The following GRIA4 variants were observed in gnomAD, a reference collection of about 807,000 sequenced individuals.
GRIA4 encodes glutamate ionotropic receptor AMPA type subunit 4, also known as glutamate receptor 4.
A neutral mutation model predicts 104.0 loss-of-function variants in GRIA4; 34 were observed. That is an observed-to-expected ratio of 0.33 (90% confidence interval 0.25 to 0.44). The LOEUF is 0.44. Ranked by LOEUF, GRIA4 falls within the 20% of genes least tolerant of loss-of-function variation. GRIA4 has a pLI of 1.00. For synonymous variants in GRIA4, 386 were observed against 381.9 expected, an observed-to-expected ratio of 1.01 and a Z score of -0.13; for missense variants, 750 against 1,096.5, an observed-to-expected ratio of 0.68 and a Z score of 4.46.
intron 4 of GRIA4, among the ~76,000 whole-genome samples, chr11:105,814,171 T>C (rs1943286424): frequency 6.6e-6 from 1 of 152,164 alleles, no homozygotes; most frequent in South Asian, 2.1e-4. Context: ...AAGTTCAGGT[T>C]TCATTTTAAG....
intron 5 of GRIA4, among the ~76,000 whole-genome samples, chr11:105,885,102 C>A (rs2136092216): frequency 6.6e-6 from 1 of 152,258 alleles, no homozygotes; most frequent in Non-Finnish European, 1.5e-5. Flanking sequence ...AGCCAAATAG[C>A]AGGAATCTGT....
intron 3 of GRIA4, among the ~76,000 whole-genome samples, chr11:105,679,206 T>C (rs1164971384): frequency 6.6e-6 from 1 of 152,138 alleles, no homozygotes; most frequent in Non-Finnish European, 1.5e-5. Flanking sequence ...TCAGTCTTTA[T>C]TTTATTAAGA....
At chr11:105,948,944 T>C (rs901881491) in intron 14 of GRIA4, among the ~76,000 whole-genome samples, 4 of 152,122 alleles carry the variant, frequency 2.6e-5, no homozygotes, top group Non-Finnish European at 4.4e-5. Flanking sequence ...TTGAATAGAA[T>C]TGATTTATAA....
At chr11:105,668,581 T>G (rs1351572916) in intron 3 of GRIA4, among the ~76,000 whole-genome samples, 1 of 151,564 alleles carries the variant, frequency 6.6e-6, no homozygotes, top group Non-Finnish European at 1.5e-5. Flanking sequence ...TGTGCCATTT[T>G]TCATAATGAC....
intron 9 of GRIA4, among the ~76,000 whole-genome samples, chr11:105,909,105 A>C (rs986068473): frequency 7.9e-5 from 12 of 152,188 alleles, no homozygotes; most frequent in Admixed American, 6.5e-5. Context: ...CAAACCAAGA[A>C]GTGTAGCAAG....
intron 14 of GRIA4, among the ~76,000 whole-genome samples, chr11:105,964,110 T>A (rs11226880): frequency 0.27 from 41,364 of 151,988 alleles, 5,634 homozygotes; most frequent in Non-Finnish European, 0.29. Context: ...GCAGAATTTT[T>A]AAAAAAATAG....
intron 3 of GRIA4, among the ~76,000 whole-genome samples, chr11:105,687,555 GGCAA>G (rs1167978065): frequency 6.6e-6 from 1 of 152,138 alleles, no homozygotes; most frequent in Non-Finnish European, 1.5e-5. Flanking sequence ...ATCAGGACTT[GGCAA>G]CTGATCAGAT....
intron 4 of GRIA4, among the ~76,000 whole-genome samples, chr11:105,798,798 T>C (rs971746799): frequency 2.0e-5 from 3 of 152,088 alleles, no homozygotes; most frequent in Non-Finnish European, 2.9e-5. Flanking sequence ...GAAAACAGAA[T>C]TGTCATTACT....
At chr11:105,864,366 C>T (rs570030184) in intron 5 of GRIA4, among the ~76,000 whole-genome samples, 1 of 152,280 alleles carries the variant, frequency 6.6e-6, no homozygotes, top group Non-Finnish European at 1.5e-5. Flanking sequence ...TATCTTAAGA[C>T]CCCTGTGTTT....
intron 3 of GRIA4, among the ~76,000 whole-genome samples, chr11:105,656,293 G>A (rs1361249408): frequency 2.0e-5 from 3 of 152,060 alleles, no homozygotes; most frequent in Non-Finnish European, 4.4e-5. Flanking sequence ...TTTAATAAAT[G>A]GTGTTGGGAA....
intron 4 of GRIA4, among the ~76,000 whole-genome samples, chr11:105,822,702 T>C (rs1227328740): frequency 6.6e-6 from 1 of 152,164 alleles, no homozygotes; most frequent in Non-Finnish European, 1.5e-5. Flanking sequence ...ATCCTTGTGG[T>C]ATGTTTTAAT....
intron 12 of GRIA4, among the ~76,000 whole-genome samples, chr11:105,925,362 C>T (rs1947676599): frequency 6.6e-6 from 1 of 152,072 alleles, no homozygotes. Flanking sequence ...AGTCATGGCT[C>T]CCTTCCTTTG....
intron 4 of GRIA4, among the ~76,000 whole-genome samples, chr11:105,793,019 T>G (rs891432039): frequency 1.3e-5 from 2 of 152,158 alleles, no homozygotes; most frequent in African/African-American, 4.8e-5. Context: ...TTCCCTATAT[T>G]CTCTTATTTA....
intron 3 of GRIA4, among the ~76,000 whole-genome samples, chr11:105,618,969 C>A (rs1326792968): frequency 6.6e-6 from 1 of 151,840 alleles, no homozygotes; most frequent in Non-Finnish European, 1.5e-5. Context: ...CAGTGTTCAA[C>A]CTCGTTGACA....
intron 3 of GRIA4, among the ~76,000 whole-genome samples, chr11:105,748,996 T>C (rs1274132503): frequency 6.6e-6 from 1 of 152,156 alleles, no homozygotes; most frequent in Non-Finnish European, 1.5e-5. Context: ...AGGAAATATA[T>C]TTAGAATGAA....
chr11:105,666,147 C>A (rs563105555), intron 3 of GRIA4, among the ~76,000 whole-genome samples: 1 of 151,990 alleles, frequency 6.6e-6, no homozygotes, highest in South Asian at 2.1e-4. Context: ...AAACCATGGC[C>A]TCTGAACCAT....
At chr11:105,776,185 T>C (rs1941443315) in intron 4 of GRIA4, among the ~76,000 whole-genome samples, 1 of 151,954 alleles carries the variant, frequency 6.6e-6, no homozygotes, top group South Asian at 2.1e-4. Context: ...AAAGAATAAA[T>C]CATTGTACAC....
chr11:105,612,229 T>C (rs1474713024), intron 2 of GRIA4, 47 bp from the exon 3 acceptor site: 1 of 1,588,524 alleles, frequency 6.3e-7, no homozygotes, highest in Non-Finnish European at 8.6e-7. Flanking sequence ...GGGTATAATG[T>C]TGACAAGAGG....
At chr11:105,774,956 A>G (rs1941386079) in intron 4 of GRIA4, among the ~76,000 whole-genome samples, 1 of 152,192 alleles carries the variant, frequency 6.6e-6, no homozygotes, top group African/African-American at 2.4e-5. Context: ...CCTGAACGTC[A>G]GAAGGAAAAA....
Sources: allele counts gnomAD v4.1 joint callset (sites outside exome capture counted in the v4.1 genomes callset), GRCh38; gene constraint gnomAD v4.1.1; transcripts MANE v1.5; gene names NCBI Gene and HGNC (gene_info 2026-07-23, HGNC 2026-07-21).